The following CPLX1 variants were observed in gnomAD, a reference collection of about 807,000 sequenced individuals.
The protein encoded by CPLX1 is complexin 1, also known as complexin-1.
In CPLX1, 6 loss-of-function variants were observed where a neutral mutation model predicts 15.6. The ratio of observed to expected loss-of-function variants is 0.39; its 90% confidence interval spans 0.21 to 0.76. The LOEUF (loss-of-function observed/expected upper bound fraction) is 0.76. Ranked by LOEUF, CPLX1 falls within the 30% of genes least tolerant of loss-of-function variation. The pLI is 0.43. For missense variants in CPLX1, 242 were observed against 188.6 expected, an observed-to-expected ratio of 1.28 and a Z score of -1.66; for synonymous variants, 91 against 75.2, an observed-to-expected ratio of 1.21 and a Z score of -1.08.
chr4:824,268 T>C (rs993212162), intron 2 of CPLX1, among the ~76,000 whole-genome samples: 3 of 152,220 alleles, frequency 2.0e-5, no homozygotes, highest in African/African-American at 7.2e-5. Flanking sequence ...GCAGCCCCTG[T>C]CCCGCCAGGA....
chr4:792,788 G>A, intron 2 of CPLX1, 180 bp from the exon 3 acceptor site: 2 of 633,904 alleles, frequency 3.2e-6, no homozygotes, highest in Non-Finnish European at 5.3e-6. Flanking sequence ...TGACCCTCCT[G>A]CCCGGGACCC....
At chr4:802,505 A>C (rs907528566) in intron 2 of CPLX1, among the ~76,000 whole-genome samples, 2 of 152,234 alleles carry the variant, frequency 1.3e-5, no homozygotes, top group African/African-American at 4.8e-5. Context: ...AAAGCTAGAG[A>C]TATTACAGGC....
At chr4:813,920 C>T (rs1359637062) in intron 2 of CPLX1, among the ~76,000 whole-genome samples, 5 of 152,216 alleles carry the variant, frequency 3.3e-5, no homozygotes. Flanking sequence ...CATAAATGTG[C>T]ATCCAGGGAA....
At chr4:822,247 C>T (rs1746882950) in intron 2 of CPLX1, among the ~76,000 whole-genome samples, 1 of 150,824 alleles carries the variant, frequency 6.6e-6, no homozygotes, top group South Asian at 2.1e-4. Flanking sequence ...TCTCCTTCTG[C>T]CTCCACCTCT....
At chr4:818,099 A>C (rs1746794846) in intron 2 of CPLX1, among the ~76,000 whole-genome samples, 2 of 152,218 alleles carry the variant, frequency 1.3e-5, no homozygotes, top group African/African-American at 4.8e-5. Context: ...CTTGCATTGC[A>C]GACAAGCCCA....
intron 2 of CPLX1, among the ~76,000 whole-genome samples, chr4:821,204 G>A (rs879717289): frequency 1.5e-4 from 23 of 152,172 alleles, no homozygotes; most frequent in Admixed American, 1.4e-3. Context: ...ATTCACTGCC[G>A]GACACTGTCC....
chr4:795,708 C>T (rs1322746258), intron 2 of CPLX1, among the ~76,000 whole-genome samples: 1 of 151,428 alleles, frequency 6.6e-6, no homozygotes, highest in African/African-American at 2.4e-5. Flanking sequence ...CCCCCCACAG[C>T]GGCACAGGCG....
chr4:801,630 G>GCTA (rs1292464184), intron 2 of CPLX1, among the ~76,000 whole-genome samples: 2 of 152,196 alleles, frequency 1.3e-5, no homozygotes, highest in African/African-American at 4.8e-5. Context: ...GGAGCACCAG[G>GCTA]CTACCCCCAA....
chr4:809,944 C>T (rs1746631838), intron 2 of CPLX1, among the ~76,000 whole-genome samples: 1 of 152,198 alleles, frequency 6.6e-6, no homozygotes, highest in Non-Finnish European at 1.5e-5. Flanking sequence ...CCTCTCCATG[C>T]TGAGCAGGAC....
intron 2 of CPLX1, among the ~76,000 whole-genome samples, chr4:799,012 T>C (rs1026827932): frequency 6.6e-6 from 1 of 152,356 alleles, no homozygotes; most frequent in Non-Finnish European, 1.5e-5. Context: ...TATATATATG[T>C]TTTCATCTAT....
In CPLX1 at chr4:786,481, G is replaced by T. The variant is rs781639934; in HGVS notation, c.*20C>A. 6.5e-7 allele frequency: 1 copy of T among 1,536,586 alleles called. No individual in the cohort carries two copies. Among genetic ancestry groups the T allele is most frequent in the Non-Finnish European group, 8.8e-7 (1 of 1,137,964 alleles). Reference sequence around the variant, plus strand: ...AGGGGGAGGGGCGGGGGCTCCGCGGGGCCGCTGTCCCGCGCGCGGCTACTT... The same window carrying T: ...AGGGGGAGGGGCGGGGGCTCCGCGGTGCCGCTGTCCCGCGCGCGGCTACTT... On this transcript the variant is annotated 3_prime_UTR_variant, in exon 4 of 4. Coordinates refer to ENST00000304062, the MANE Select transcript of CPLX1 (RefSeq NM_006651.4).
In CPLX1 at chr4:786,384, TG is replaced by T; in HGVS notation, c.*116del. Reference sequence around the variant, plus strand: ...GCGGCGGGCGCGGGCAGGGCGGGCCTGGGGCTATGGCTTATATCGGCGTGGG... The same window carrying T: ...GCGGCGGGCGCGGGCAGGGCGGGCCTGGGCTATGGCTTATATCGGCGTGGG... On this transcript the variant is annotated 3_prime_UTR_variant, in exon 4 of 4. Coordinates refer to ENST00000304062, the MANE Select transcript of CPLX1 (RefSeq NM_006651.4). 1 of 1,189,806 alleles carries T rather than the reference TG, an allele frequency of 8.4e-7. No homozygotes were observed. Among genetic ancestry groups the T allele is most frequent in the Non-Finnish European group, 1.1e-6 (1 of 895,100 alleles). The allele number at this position is 1,189,806 out of a possible 1,614,324, so 73.7% of individuals were successfully genotyped here.
rs369108860 is a variant in CPLX1, at chr4:786,078, G to C, written c.*423C>G. ...CCCCGGAGTCCGCGTGCAGGAGGGG[G>C]ACCCAGGCCCCGCCGCCCTCGCCCC... On this transcript the variant is annotated 3_prime_UTR_variant, in exon 4 of 4. Coordinates refer to ENST00000304062, the MANE Select transcript of CPLX1 (RefSeq NM_006651.4). The C allele has an allele frequency of 1.3e-5, 2 of 154,166 alleles. No homozygotes were observed. Among genetic ancestry groups the C allele is most frequent in the East Asian group, 3.8e-4 (2 of 5,238 alleles). The allele number at this position is 154,166 out of a possible 1,614,324, so 9.5% of individuals were successfully genotyped here.
intron 2 of CPLX1, chr4:804,823 C>T (rs1328282739): frequency 1.0e-6 from 1 of 985,262 alleles, no homozygotes; most frequent in Non-Finnish European, 1.2e-6. Context: ...GCCTGGAGGC[C>T]GGCAAGCGTG....
chr4:787,049 A>AG lies in CPLX1; in HGVS notation c.208-352dup, dbSNP rs1202022348. On this transcript the variant is annotated intron_variant, in intron 3 of 3. Transcript: ENST00000304062. ...AGGAAGCCTCCGGCCCGGGGCAGGG[A>AG]GGGGTGGGCAGGATGCTGCGTGGCA... 7.1e-6 allele frequency: 7 copies of AG among 985,198 alleles called. No individual in the cohort carries two copies. In the East Asian group the frequency reaches 5.7e-4, roughly 80 times the overall value. The allele number at this position is 985,198 out of a possible 1,614,324, so 61.0% of individuals were successfully genotyped here. A position where few individuals can be genotyped will look rare whatever the true frequency, so the allele number is the denominator to read the frequency against.
intron 2 of CPLX1, among the ~76,000 whole-genome samples, chr4:820,994 A>T (rs1410588257): frequency 6.6e-6 from 1 of 151,980 alleles, no homozygotes; most frequent in African/African-American, 2.4e-5. Flanking sequence ...GGCTTGGATG[A>T]CCACAATCCT....
intron 2 of CPLX1, chr4:804,896 C>A: frequency 1.0e-6 from 1 of 985,406 alleles, no homozygotes; most frequent in Non-Finnish European, 1.2e-6. Flanking sequence ...GGAACGCAGG[C>A]GGCAGCCATT....
chr4:793,730 C>T (rs981104871), intron 2 of CPLX1, among the ~76,000 whole-genome samples: 12 of 152,224 alleles, frequency 7.9e-5, no homozygotes, highest in Non-Finnish European at 1.8e-4. Flanking sequence ...TCTCCCCCCG[C>T]GGCCACCCGG....
chr4:815,551 G>T (rs557569851), intron 2 of CPLX1, among the ~76,000 whole-genome samples: 3 of 152,096 alleles, frequency 2.0e-5, no homozygotes, highest in Admixed American at 2.0e-4. Flanking sequence ...TGTAAGCACC[G>T]AATGCTCTGG....
Sources: gnomAD v4.1 joint callset for allele counts (sites outside exome capture counted in the v4.1 genomes callset) on GRCh38, gnomAD v4.1.1 for gene constraint, MANE v1.5 for transcripts, NCBI Gene and HGNC (gene_info 2026-07-23, HGNC 2026-07-21) for gene names.